GRIK2: variants seen among roughly 807,000 people sequenced by gnomAD.
GRIK2 encodes glutamate receptor ionotropic, kainate 2.
Under a neutral mutation model 100.3 loss-of-function variants are expected in GRIK2, and 32 were observed. The ratio of observed to expected loss-of-function variants is 0.32; its 90% CI spans 0.24 to 0.43. The LOEUF (loss-of-function observed/expected upper bound fraction) is 0.43, where lower values mean the gene tolerates loss of function less well. GRIK2 is among the 20% of genes least tolerant of loss of function. The probability of loss-of-function intolerance (pLI) is 1.00; values close to 1 mark genes in which losing one functional copy is unlikely to be tolerated. For missense variants in GRIK2, 843 were observed against 1,114.9 expected, an observed-to-expected ratio of 0.76 and a Z score of 3.47; for synonymous variants, 417 against 389.4, an observed-to-expected ratio of 1.07 and a Z score of -0.83.
chr6:101,586,293 G>GA (rs958954927), intron 2 of GRIK2, among the ~76,000 whole-genome samples: 11 of 147,664 alleles, frequency 7.4e-5, no homozygotes, highest in East Asian at 3.9e-4. Context: ...AGTATGAATC[G>GA]AAAAAAAAAA....
At chr6:101,417,168 A>G (rs1424725363) in intron 2 of GRIK2, among the ~76,000 whole-genome samples, 2 of 152,218 alleles carry the variant, frequency 1.3e-5, no homozygotes, top group African/African-American at 4.8e-5. Context: ...TTATGAAATC[A>G]TCAGATCTCA....
intron 10 of GRIK2, among the ~76,000 whole-genome samples, chr6:101,838,127 C>A (rs1562428409): frequency 6.6e-6 from 1 of 152,150 alleles, no homozygotes; most frequent in Non-Finnish European, 1.5e-5. Flanking sequence ...GCTAAGTTTC[C>A]CTCAGTTTAT....
intron 12 of GRIK2, among the ~76,000 whole-genome samples, chr6:101,913,087 A>C (rs2128466386): frequency 6.6e-6 from 1 of 151,782 alleles, no homozygotes; most frequent in Non-Finnish European, 1.5e-5. Flanking sequence ...CTCAAGAAGT[A>C]GATCACAAAA....
intron 10 of GRIK2, among the ~76,000 whole-genome samples, chr6:101,834,670 C>G (rs1782946048): frequency 6.6e-6 from 1 of 152,076 alleles, no homozygotes; most frequent in South Asian, 2.1e-4. Flanking sequence ...CTTTTAACAT[C>G]TACACATTTC....
At chr6:101,909,313 G>T (rs1318611301) in intron 12 of GRIK2, among the ~76,000 whole-genome samples, 1 of 147,072 alleles carries the variant, frequency 6.8e-6, no homozygotes, top group Non-Finnish European at 1.5e-5. Context: ...TAATTTAAAT[G>T]CCTGCAATGA....
intron 2 of GRIK2, among the ~76,000 whole-genome samples, chr6:101,424,743 A>T (rs1776615481): frequency 1.4e-5 from 2 of 145,256 alleles, no homozygotes; most frequent in African/African-American, 5.1e-5. Context: ...CAGTCCCCGG[A>T]GTGTGATGTT....
At chr6:101,480,828 G>C (rs1273657116) in intron 2 of GRIK2, among the ~76,000 whole-genome samples, 1 of 152,020 alleles carries the variant, frequency 6.6e-6, no homozygotes, top group East Asian at 1.9e-4. Flanking sequence ...CATTAAAAAA[G>C]GCAGATCTGT....
chr6:101,761,871 C>A (rs1346897717), intron 7 of GRIK2, among the ~76,000 whole-genome samples: 4 of 129,984 alleles, frequency 3.1e-5, no homozygotes, highest in Non-Finnish European at 6.3e-5. Flanking sequence ...CCTTTCCCCT[C>A]CCTTCCTTTC....
intron 4 of GRIK2, among the ~76,000 whole-genome samples, chr6:101,673,782 C>T (rs966257678): frequency 6.6e-6 from 1 of 152,050 alleles, no homozygotes; most frequent in Non-Finnish European, 1.5e-5. Context: ...TTTGTAGTTA[C>T]TTGCTTAATA....
intron 2 of GRIK2, among the ~76,000 whole-genome samples, chr6:101,524,322 A>G (rs1370302215): frequency 6.6e-6 from 1 of 152,028 alleles, no homozygotes; most frequent in Non-Finnish European, 1.5e-5. Flanking sequence ...TTTGGGTTTT[A>G]TTGTTACCAT....
At chr6:101,569,815 T>C (rs1336768153) in intron 2 of GRIK2, among the ~76,000 whole-genome samples, 1 of 152,146 alleles carries the variant, frequency 6.6e-6, no homozygotes, top group Non-Finnish European at 1.5e-5. Flanking sequence ...AATTCCTAGA[T>C]AACTAAAGGT....
intron 4 of GRIK2, among the ~76,000 whole-genome samples, chr6:101,663,748 C>A (rs1562294410): frequency 6.6e-6 from 1 of 152,158 alleles, no homozygotes; most frequent in Non-Finnish European, 1.5e-5. Context: ...TGCTGTGATG[C>A]ATTTCTGGGT....
chr6:101,595,064 T>A (rs540752230), intron 2 of GRIK2, among the ~76,000 whole-genome samples: 5 of 151,248 alleles, frequency 3.3e-5, no homozygotes, highest in African/African-American at 1.2e-4. Context: ...AAACCTCAAG[T>A]AGGCATTCAT....
At chr6:101,805,042 A>G (rs1027899087) in intron 9 of GRIK2, among the ~76,000 whole-genome samples, 2 of 151,824 alleles carry the variant, frequency 1.3e-5, no homozygotes, top group East Asian at 3.9e-4. Context: ...ATCTCTCTAA[A>G]ACACAGCGTC....
chr6:102,048,422 A>G (rs926471370), intron 15 of GRIK2, among the ~76,000 whole-genome samples: 1 of 152,142 alleles, frequency 6.6e-6, no homozygotes, highest in Admixed American at 6.5e-5. Context: ...CGAAGGGACA[A>G]CCTAGAGATT....
At chr6:101,460,784 G>A (rs1029431397) in intron 2 of GRIK2, among the ~76,000 whole-genome samples, 12 of 152,122 alleles carry the variant, frequency 7.9e-5, no homozygotes, top group African/African-American at 2.9e-4. Context: ...CAAATTTTGT[G>A]TCCTTAGAAG....
rs748877341 is a variant in GRIK2 at position 101,637,713 on chromosome 6, C to T, written c.541+11076C>T. ...GTTCAGAGAAAAACGAATTGTTCCTCGGCATGACACATACAGTGTCCATCA... is the reference window on the plus strand; with the variant it reads ...GTTCAGAGAAAAACGAATTGTTCCTTGGCATGACACATACAGTGTCCATCA... On this transcript the variant is annotated intron_variant, in intron 4 of 16. Transcript: ENST00000369134. Among the ~76,000 whole-genome samples the T allele has an allele frequency of 6.6e-5, 10 of 152,092 alleles. No individual in the cohort carries two copies. The East Asian group carries it at 7.7e-4, about 12-fold the overall frequency.
chr6:101,591,388 C>T (rs906231604), intron 2 of GRIK2, among the ~76,000 whole-genome samples: 2 of 151,790 alleles, frequency 1.3e-5, no homozygotes, highest in Non-Finnish European at 2.9e-5. Flanking sequence ...AGATTATCTA[C>T]TACTCTTTAT....
At chr6:101,675,716 TTTTAA>T (rs559520714) in intron 4 of GRIK2, among the ~76,000 whole-genome samples, 79 of 152,298 alleles carry the variant, frequency 5.2e-4, no homozygotes, top group South Asian at 1.7e-3. Flanking sequence ...TGTGATATAT[TTTTAA>T]TTTAATTATC....
Sources: gnomAD v4.1 joint callset for allele counts (sites outside exome capture counted in the v4.1 genomes callset) on GRCh38, gnomAD v4.1.1 for gene constraint, MANE v1.5 for transcripts, NCBI Gene and HGNC (gene_info 2026-07-23, HGNC 2026-07-21) for gene names.